The following METTL15 variants were observed in gnomAD, a reference collection of about 807,000 sequenced individuals.
The protein encoded by METTL15 is 12S rRNA N(4)-cytidine methyltransferase METTL15.
A neutral mutation model predicts 38.3 loss-of-function variants in METTL15; 34 were observed. The ratio of observed to expected loss-of-function variants is 0.89; its 90% confidence interval spans 0.68 to 1.18. METTL15 has a LOEUF of 1.18. METTL15 is among the 50% of genes most tolerant of loss of function. The probability of loss-of-function intolerance (pLI) is 0.00; values close to 1 mark genes in which losing one functional copy is unlikely to be tolerated. For synonymous variants in METTL15, 162 were observed against 170.9 expected, an observed-to-expected ratio of 0.95 and a Z score of 0.41; for missense variants, 438 against 498.4, an observed-to-expected ratio of 0.88 and a Z score of 1.15.
intron 6 of METTL15, 85 bp downstream of exon 6, chr11:28,297,016 CAT>C (rs1856765012): frequency 2.0e-5 from 28 of 1,378,358 alleles, no homozygotes; most frequent in Non-Finnish European, 2.7e-5. Context: ...CACGCATGCA[CAT>C]GTGTGTGTGC....
At chr11:28,301,574 A>G (rs1464918645) in intron 6 of METTL15, among the ~76,000 whole-genome samples, 1 of 152,188 alleles carries the variant, frequency 6.6e-6, no homozygotes, top group Non-Finnish European at 1.5e-5. Context: ...CCATGAATCT[A>G]AAATATGCAC....
intron 4 of METTL15, among the ~76,000 whole-genome samples, chr11:28,256,892 T>C (rs1285651633): frequency 2.0e-5 from 3 of 152,128 alleles, no homozygotes; most frequent in Non-Finnish European, 4.4e-5. Context: ...GGTTTTGTTA[T>C]GTTGTGTTTC....
intron 6 of METTL15, among the ~76,000 whole-genome samples, chr11:28,506,071 G>T (rs1188596897): frequency 6.6e-6 from 1 of 152,124 alleles, no homozygotes; most frequent in Non-Finnish European, 1.5e-5. Flanking sequence ...CTCAGTCTTG[G>T]TCTGGCTTCC....
chr11:28,168,733 T>C (rs904383608), intron 3 of METTL15, among the ~76,000 whole-genome samples: 5 of 151,866 alleles, frequency 3.3e-5, no homozygotes, highest in African/African-American at 1.2e-4. Context: ...CTGAATTATA[T>C]AATATAGAAC....
At chr11:28,188,776 T>G (rs893718282) in intron 3 of METTL15, among the ~76,000 whole-genome samples, 1 of 151,332 alleles carries the variant, frequency 6.6e-6, no homozygotes, top group Middle Eastern at 3.4e-3. Context: ...CCAAAGCCAA[T>G]GTAAATGGTA....
chr11:28,126,058 C>A (rs925948059), intron 3 of METTL15, among the ~76,000 whole-genome samples: 1 of 151,974 alleles, frequency 6.6e-6, no homozygotes, highest in African/African-American at 2.4e-5. Flanking sequence ...TTTTCCAGTA[C>A]ATTTAATCTA....
At chr11:28,123,498 T>C (rs1294336483) in intron 3 of METTL15, among the ~76,000 whole-genome samples, 1 of 152,156 alleles carries the variant, frequency 6.6e-6, no homozygotes, top group African/African-American at 2.4e-5. Flanking sequence ...ACTCATCTTA[T>C]AATGTTCTGT....
intron 3 of METTL15, among the ~76,000 whole-genome samples, chr11:28,171,002 A>G (rs1329050985): frequency 1.3e-5 from 2 of 152,114 alleles, no homozygotes; most frequent in Non-Finnish European, 2.9e-5. Flanking sequence ...CAGAATTCCA[A>G]CCATTACTGC....
At chr11:28,349,911 C>T (rs1162249904) in intron 3 of METTL15, among the ~76,000 whole-genome samples, 1 of 152,092 alleles carries the variant, frequency 6.6e-6, no homozygotes, top group Non-Finnish European at 1.5e-5. Context: ...TATAGAATTG[C>T]ACAGAAGGTG....
intron 3 of METTL15, among the ~76,000 whole-genome samples, chr11:28,124,194 T>C (rs1331038629): frequency 2.0e-5 from 3 of 152,234 alleles, no homozygotes; most frequent in African/African-American, 2.4e-5. Context: ...GTATGCTTTT[T>C]CCCCTCAAAC....
intron 4 of METTL15, among the ~76,000 whole-genome samples, chr11:28,268,995 C>CT (rs1855539541): frequency 6.6e-6 from 1 of 152,152 alleles, no homozygotes; most frequent in Admixed American, 6.5e-5. Flanking sequence ...TTGGTATAAT[C>CT]TATCACTTCT....
At chr11:28,417,148 G>T (rs556964290) in intron 5 of METTL15, among the ~76,000 whole-genome samples, 1 of 152,150 alleles carries the variant, frequency 6.6e-6, no homozygotes, top group Non-Finnish European at 1.5e-5. Context: ...ATCTTCCATG[G>T]TTATGGGAGA....
At chr11:28,218,836 G>C (rs1468433472) in intron 4 of METTL15, among the ~76,000 whole-genome samples, 1 of 152,072 alleles carries the variant, frequency 6.6e-6, no homozygotes, top group South Asian at 2.1e-4. Flanking sequence ...TTTGTCGTTG[G>C]TTCTGTTTAT....
At chr11:28,495,804 A>G (rs1851531199) in intron 6 of METTL15, among the ~76,000 whole-genome samples, 1 of 152,096 alleles carries the variant, frequency 6.6e-6, no homozygotes, top group South Asian at 2.1e-4. Flanking sequence ...ATCAGGCAAA[A>G]TCCAGGCCTA....
intron 4 of METTL15, among the ~76,000 whole-genome samples, chr11:28,270,002 A>C (rs188346598): frequency 6.2e-4 from 94 of 152,336 alleles, no homozygotes; most frequent in African/African-American, 2.2e-3. Context: ...GGAATAACTA[A>C]CTTCAGTCAG....
At chr11:28,227,126 C>G (rs1238851336) in intron 4 of METTL15, among the ~76,000 whole-genome samples, 1 of 151,734 alleles carries the variant, frequency 6.6e-6, no homozygotes, top group African/African-American at 2.4e-5. Flanking sequence ...AAACTTGACT[C>G]TAGTCTACCA....
intron 6 of METTL15, among the ~76,000 whole-genome samples, chr11:28,491,873 A>C (rs1228321955): frequency 6.6e-6 from 1 of 152,108 alleles, no homozygotes; most frequent in East Asian, 1.9e-4. Flanking sequence ...CTTCTATTTT[A>C]ATGTTTTAAA....
intron 6 of METTL15, among the ~76,000 whole-genome samples, chr11:28,445,411 A>G (rs1408980678): frequency 6.6e-6 from 1 of 152,128 alleles, no homozygotes; most frequent in Non-Finnish European, 1.5e-5. Context: ...TCCTATATAA[A>G]CATGGTATAG....
chr11:28,427,259 T>C (rs916275939), intron 6 of METTL15, among the ~76,000 whole-genome samples: 6 of 152,186 alleles, frequency 3.9e-5, no homozygotes, highest in African/African-American at 1.4e-4. Flanking sequence ...TGTGGTCTTA[T>C]TTCTGGGTTC....
Sources: gnomAD v4.1 joint callset for allele counts (sites outside exome capture counted in the v4.1 genomes callset) on GRCh38, gnomAD v4.1.1 for gene constraint, MANE v1.5 for transcripts, NCBI Gene and HGNC (gene_info 2026-07-23, HGNC 2026-07-21) for gene names.